Variants in ZC3H12B observed in about 807,000 individuals in gnomAD.
The protein encoded by ZC3H12B is zinc finger CCCH-type containing 12B.
In ZC3H12B, 7 loss-of-function variants were observed where a neutral mutation model predicts 43.9. The observed-to-expected ratio is 0.16, with a 90% CI of 0.09 to 0.30. The LOEUF (loss-of-function observed/expected upper bound fraction) is 0.30, where lower values mean the gene tolerates loss of function less well. Among genes scored for constraint, ZC3H12B ranks in the 10% least tolerant of loss-of-function variants. The pLI is 1.00. For synonymous variants in ZC3H12B, 222 were observed against 241.7 expected, an observed-to-expected ratio of 0.92 and a Z score of 0.76; for missense variants, 475 against 670.2, an observed-to-expected ratio of 0.71 and a Z score of 3.22.
At chrX:65,332,440 A>G in the ZC3H12B span, among the ~76,000 whole-genome samples, 1 of 112,043 alleles carries the variant, frequency 8.9e-6, no homozygotes, top group African/African-American at 3.2e-5. Flanking sequence ...GTGCAACTGC[A>G]CTATATTCTA....
chrX:65,340,285 C>T, the ZC3H12B span, among the ~76,000 whole-genome samples: 9 of 112,343 alleles, frequency 8.0e-5, no homozygotes, highest in African/African-American at 2.9e-4. Flanking sequence ...GCTGCCTCCA[C>T]TACTGCTGTG....
the ZC3H12B span, among the ~76,000 whole-genome samples, chrX:65,175,393 A>C: frequency 9.0e-6 from 1 of 111,704 alleles, no homozygotes; most frequent in Non-Finnish European, 1.9e-5. Context: ...CCCCCATGTC[A>C]TGAAATTTAT....
chrX:65,338,604 A>G, the ZC3H12B span, among the ~76,000 whole-genome samples: 2 of 112,350 alleles, frequency 1.8e-5, no homozygotes, highest in South Asian at 7.4e-4. Flanking sequence ...ACATAAGGCA[A>G]AAGTGCTCAA....
the ZC3H12B span, among the ~76,000 whole-genome samples, chrX:65,225,843 C>T: frequency 1.5e-4 from 17 of 111,608 alleles, no homozygotes; most frequent in African/African-American, 3.6e-4. Context: ...CAAAAAGAAA[C>T]GAACAAAGCC....
chrX:65,194,845 C>T, the ZC3H12B span, among the ~76,000 whole-genome samples: 2 of 111,971 alleles, frequency 1.8e-5, no homozygotes, highest in Non-Finnish European at 3.8e-5. Context: ...TATCTGGGTA[C>T]TCCAGTGTTG....
chrX:65,297,407 A>G, the ZC3H12B span, among the ~76,000 whole-genome samples: 1 of 111,184 alleles, frequency 9.0e-6, no homozygotes, highest in Non-Finnish European at 1.9e-5. Flanking sequence ...TAGCTGCAAA[A>G]TAAAATAAAA....
At chrX:65,269,305 A>T in the ZC3H12B span, among the ~76,000 whole-genome samples, 2 of 108,834 alleles carry the variant, frequency 1.8e-5, no homozygotes, top group East Asian at 5.7e-4. Flanking sequence ...AGATTGCACC[A>T]CTGCACTCCA....
At chrX:65,043,443 C>T in the ZC3H12B span, among the ~76,000 whole-genome samples, 2 of 109,799 alleles carry the variant, frequency 1.8e-5, no homozygotes, top group Admixed American at 9.7e-5. Context: ...AATATGAAAA[C>T]ATCTAAGGTT....
At chrX:65,216,149 C>T in the ZC3H12B span, among the ~76,000 whole-genome samples, 12 of 111,721 alleles carry the variant, frequency 1.1e-4, no homozygotes, top group South Asian at 3.4e-3. Flanking sequence ...AAGAAAGCAC[C>T]TTCATATGAA....
the ZC3H12B span, among the ~76,000 whole-genome samples, chrX:65,317,769 A>T: frequency 9.7e-6 from 1 of 103,131 alleles, no homozygotes; most frequent in African/African-American, 3.5e-5. Flanking sequence ...ACACACACAC[A>T]CTATATATAT....
the ZC3H12B span, among the ~76,000 whole-genome samples, chrX:65,048,270 T>C: frequency 9.9e-5 from 11 of 111,576 alleles, no homozygotes; most frequent in African/African-American, 3.2e-4. Flanking sequence ...CTGAATAATA[T>C]TCTATTATGC....
chrX:65,192,337 C>A, the ZC3H12B span, among the ~76,000 whole-genome samples: 1 of 111,256 alleles, frequency 9.0e-6, no homozygotes, highest in Admixed American at 9.6e-5. Context: ...TTTGGATACC[C>A]TTTTTTTCTT....
chrX:65,314,546 C>T, the ZC3H12B span, among the ~76,000 whole-genome samples: 2 of 111,791 alleles, frequency 1.8e-5, no homozygotes, highest in South Asian at 3.7e-4. Context: ...ATTTTATATC[C>T]AGAGAAAATA....
At chrX:65,097,410 G>A in the ZC3H12B span, among the ~76,000 whole-genome samples, 1 of 111,220 alleles carries the variant, frequency 9.0e-6, no homozygotes, top group African/African-American at 3.3e-5. Context: ...GGGCCTTCAT[G>A]TTACTTTTGA....
chrX:65,364,942 C>T (rs887024127), upstream of ZC3H12B, among the ~76,000 whole-genome samples: 2 of 111,470 alleles, frequency 1.8e-5, no homozygotes, highest in African/African-American at 6.5e-5. Flanking sequence ...TAGACACTTT[C>T]ACTTCATGGG....
At chrX:65,274,260 A>T in the ZC3H12B span, among the ~76,000 whole-genome samples, 57 of 111,906 alleles carry the variant, frequency 5.1e-4, no homozygotes, top group Non-Finnish European at 9.4e-5. Flanking sequence ...CTGAGAATTC[A>T]TGCAGCTGCA....
the ZC3H12B span, among the ~76,000 whole-genome samples, chrX:65,040,275 A>G: frequency 9.0e-6 from 1 of 110,557 alleles, no homozygotes; most frequent in Admixed American, 9.7e-5. Context: ...ATATACTAAT[A>G]TATGTAATGA....
chrX:65,386,830 A>G (rs1390320481), intron 2 of ZC3H12B, among the ~76,000 whole-genome samples: 1 of 110,892 alleles, frequency 9.0e-6, no homozygotes, highest in Non-Finnish European at 1.9e-5. Flanking sequence ...TGTCCCAGAG[A>G]TTCTGGTATG....
At chrX:65,280,161 A>G in the ZC3H12B span, among the ~76,000 whole-genome samples, 2 of 112,342 alleles carry the variant, frequency 1.8e-5, no homozygotes, top group East Asian at 5.6e-4. Context: ...TCAAAATATT[A>G]CTATGAAACT....
Sources: allele counts gnomAD v4.1 joint callset (sites outside exome capture counted in the v4.1 genomes callset), GRCh38; gene constraint gnomAD v4.1.1; transcripts MANE v1.5; gene names NCBI Gene and HGNC (gene_info 2026-07-23, HGNC 2026-07-21).